PTPRD: variants seen among roughly 807,000 people sequenced by gnomAD.
PTPRD encodes protein tyrosine phosphatase receptor type D, also known as receptor-type tyrosine-protein phosphatase delta.
A neutral mutation model predicts 214.5 loss-of-function variants in PTPRD; 34 were observed. The ratio of observed to expected loss-of-function variants is 0.16; its 90% CI spans 0.12 to 0.21. The LOEUF (loss-of-function observed/expected upper bound fraction) is 0.21. Ranked by LOEUF, PTPRD falls within the 10% of genes least tolerant of loss-of-function variation. PTPRD has a pLI of 1.00. For missense variants in PTPRD, 2,545 were observed against 2,398.7 expected (o/e 1.06, Z -1.27); for synonymous variants, 1,128 against 845.7 (o/e 1.33, Z -5.79).
chr9:9,726,219 C>A (rs924994819), intron 7 of PTPRD, among the ~76,000 whole-genome samples: 1 of 152,096 alleles, frequency 6.6e-6, no homozygotes, highest in Non-Finnish European at 1.5e-5. Context: ...CCATCCTACA[C>A]CAAAAAAACT....
intron 2 of PTPRD, among the ~76,000 whole-genome samples, chr9:10,374,001 T>A (rs527331477): frequency 6.6e-6 from 1 of 152,202 alleles, no homozygotes; most frequent in Admixed American, 6.6e-5. Flanking sequence ...CCCCGAAATA[T>A]CTGTTTATAT....
chr9:10,189,388 CG>C (rs1564414226), intron 3 of PTPRD, among the ~76,000 whole-genome samples: 1 of 152,114 alleles, frequency 6.6e-6, no homozygotes, highest in African/African-American at 2.4e-5. Context: ...ATTCCTTACA[CG>C]GGGCTATCAG....
chr9:9,894,105 C>G (rs956690375), intron 5 of PTPRD, among the ~76,000 whole-genome samples: 13 of 151,992 alleles, frequency 8.6e-5, no homozygotes, highest in African/African-American at 2.9e-4. Flanking sequence ...CAGCATGAGT[C>G]ACCACTCCCA....
chr9:8,558,989 T>A (rs898046367), intron 14 of PTPRD, among the ~76,000 whole-genome samples: 9 of 151,726 alleles, frequency 5.9e-5, no homozygotes, highest in Admixed American at 3.3e-4. Context: ...GAAGTACAAC[T>A]GCGTTTAAAA....
intron 3 of PTPRD, among the ~76,000 whole-genome samples, chr9:10,211,369 A>T (rs949511460): frequency 6.6e-6 from 1 of 152,144 alleles, no homozygotes; most frequent in African/African-American, 2.4e-5. Flanking sequence ...CTTGGGCTAA[A>T]CTAGTGTTTC....
At position 9,027,965 on chromosome 9, in the gene PTPRD, C is replaced by T. The variant is rs999801669; in HGVS notation, c.-142-9230G>A. Among the ~76,000 whole-genome samples, 13 of 151,966 alleles carry T rather than the reference C, an allele frequency of 8.6e-5. 1 individual carries two copies. Among genetic ancestry groups the T allele is most frequent in the Admixed American group, 5.9e-4 (9 of 15,218 alleles). ...CCACATTTAGTTTTTTTAGCCTGTA[C>T]ACAAGGACTCATTTCTTTAATCTGT... is the stretch of plus-strand genomic sequence containing the variant. On this transcript the variant is annotated intron_variant, in intron 10 of 45. Transcript: ENST00000381196.
intron 9 of PTPRD, among the ~76,000 whole-genome samples, chr9:9,376,827 C>T (rs1465468529): frequency 6.6e-6 from 1 of 152,034 alleles, no homozygotes; most frequent in African/African-American, 2.4e-5. Flanking sequence ...CCAAGTTATA[C>T]ATAAAACATA....
chr9:9,607,489 G>A (rs2094239736), intron 7 of PTPRD, among the ~76,000 whole-genome samples: 1 of 152,158 alleles, frequency 6.6e-6, no homozygotes, highest in Non-Finnish European at 1.5e-5. Flanking sequence ...TAGCTATGGT[G>A]AGGTGGGATT....
intron 3 of PTPRD, among the ~76,000 whole-genome samples, chr9:10,178,796 G>A (rs547602364): frequency 2.6e-5 from 4 of 151,988 alleles, no homozygotes; most frequent in East Asian, 3.9e-4. Context: ...TAGATGTGAG[G>A]AGTACCCCCA....
In PTPRD at chr9:8,733,790, C is replaced by T. The variant is rs1465139583; in HGVS notation, c.54G>A (p.Thr18=). ...GGGAGAATGGCTTACTCTCAGCATCCGTGCGGAGGAAGAAAGTGAGGAGCA... is the reference window on the plus strand; with the variant it reads ...GGGAGAATGGCTTACTCTCAGCATCTGTGCGGAGGAAGAAAGTGAGGAGCA... ...LLLLLTFFLR[T]DAETPPRFTR... The change falls in exon 12 of 46, where the codon ACG becomes ACA. Residue 18 remains threonine (T), a synonymous_variant. Transcript: ENST00000381196. 5 of 1,552,764 alleles carry T rather than the reference C, an allele frequency of 3.2e-6. No individual in the cohort carries two copies. The highest frequency in any genetic ancestry group is 1.4e-5 in the African/African-American group (1 of 73,240).
In PTPRD at chr9:10,180,171, T is replaced by C. The variant is rs144185517; in HGVS notation, c.-544-146381A>G. Among the ~76,000 whole-genome samples, 8 of 152,034 alleles carry C rather than the reference T, an allele frequency of 5.3e-5. No individual in the cohort carries two copies. The East Asian group carries it at 1.5e-3, about 29-fold the overall frequency. On this transcript the variant is annotated intron_variant, in intron 3 of 45. Coordinates refer to ENST00000381196, the MANE Select transcript of PTPRD (RefSeq NM_002839.4). ...ATTTAAAACATATGTTTAAAAAATA[T>C]CAGAAAATATTTCAATCAAATTATA... is the stretch of plus-strand genomic sequence containing the variant.
At chr9:8,469,675 CAATTA>C (rs2096614327) in intron 31 of PTPRD, among the ~76,000 whole-genome samples, 1 of 151,964 alleles carries the variant, frequency 6.6e-6, no homozygotes, top group Non-Finnish European at 1.5e-5. Context: ...CAAAACAAAA[CAATTA>C]AATTATAACA....
At chr9:9,686,822 A>G (rs574819645) in intron 7 of PTPRD, among the ~76,000 whole-genome samples, 1 of 151,786 alleles carries the variant, frequency 6.6e-6, no homozygotes, top group African/African-American at 2.4e-5. Flanking sequence ...CTTAGAAGTT[A>G]TCATACTTAA....
At chr9:8,977,687 G>C (rs1409483769) in intron 11 of PTPRD, among the ~76,000 whole-genome samples, 1 of 131,400 alleles carries the variant, frequency 7.6e-6, no homozygotes, top group Non-Finnish European at 1.6e-5. Context: ...TTTTTTGCTA[G>C]TCCTCAGTTG....
chr9:9,448,914 T>G (rs1398893373), intron 8 of PTPRD, among the ~76,000 whole-genome samples: 1 of 152,000 alleles, frequency 6.6e-6, no homozygotes, highest in Non-Finnish European at 1.5e-5. Context: ...AAGAAGCCAG[T>G]GAAAAAAGAG....
intron 9 of PTPRD, among the ~76,000 whole-genome samples, chr9:9,267,375 G>C (rs1340205276): frequency 6.6e-6 from 1 of 151,240 alleles, no homozygotes; most frequent in Non-Finnish European, 1.5e-5. Context: ...AACCTGAACA[G>C]TCTAATAATG....
rs562315371 is a variant in PTPRD at position 8,927,607 on chromosome 9, T to C, written c.-104+91090A>G. Among the ~76,000 whole-genome samples, 303 of 152,330 alleles carry C rather than the reference T, an allele frequency of 2.0e-3. 2 individuals carry two copies. Among genetic ancestry groups the C allele is most frequent in the African/African-American group, 6.9e-3 (287 of 41,586 alleles). On this transcript the variant is annotated intron_variant, in intron 11 of 45. Coordinates refer to ENST00000381196, the MANE Select transcript of PTPRD (RefSeq NM_002839.4). ...CACATTTTCTTTATCCAGTCTATCATTGATGGGCACTTGGGTTGGTTCCAA... is the reference window on the plus strand; with the variant it reads ...CACATTTTCTTTATCCAGTCTATCACTGATGGGCACTTGGGTTGGTTCCAA...
intron 10 of PTPRD, among the ~76,000 whole-genome samples, chr9:9,118,664 G>A (rs1020717964): frequency 1.3e-5 from 2 of 152,148 alleles, no homozygotes; most frequent in Non-Finnish European, 2.9e-5. Flanking sequence ...AGACGACAGG[G>A]TTTTGCTGGT....
At chr9:9,875,639 T>G (rs1035078421) in intron 5 of PTPRD, among the ~76,000 whole-genome samples, 2 of 152,108 alleles carry the variant, frequency 1.3e-5, no homozygotes, top group African/African-American at 4.8e-5. Flanking sequence ...GTCTTATCAG[T>G]TTGGAAACAC....
Sources: gnomAD v4.1 joint callset for allele counts (sites outside exome capture counted in the v4.1 genomes callset) on GRCh38, gnomAD v4.1.1 for gene constraint, MANE v1.5 for transcripts, NCBI Gene and HGNC (gene_info 2026-07-23, HGNC 2026-07-21) for gene names.